GABRA3: variants seen among roughly 807,000 people sequenced by gnomAD.
GABRA3 encodes gamma-aminobutyric acid receptor subunit alpha-3.
In GABRA3, 10 loss-of-function variants were observed where a neutral mutation model predicts 30.1. The observed-to-expected ratio is 0.33, with a 90% CI of 0.20 to 0.56. GABRA3 has a LOEUF of 0.56. Ranked by LOEUF, GABRA3 falls within the 20% of genes least tolerant of loss-of-function variation. GABRA3 has a pLI of 0.89. For synonymous variants in GABRA3, 151 were observed against 146.8 expected (o/e 1.03, Z -0.21); for missense variants, 233 against 392.0 (o/e 0.59, Z 3.42).
intron 3 of GABRA3, among the ~76,000 whole-genome samples, chrX:152,285,162 A>T (rs928397043): frequency 1.8e-5 from 2 of 112,046 alleles, no homozygotes; most frequent in African/African-American, 6.5e-5. Context: ...TGGATGTGGG[A>T]GAAAGTAATA....
intron 5 of GABRA3, among the ~76,000 whole-genome samples, chrX:152,233,902 T>C (rs778373843): frequency 4.0e-3 from 430 of 107,496 alleles, no homozygotes; most frequent in Non-Finnish European, 6.3e-3. Context: ...TGTAGGGACA[T>C]GGATGAAATT....
intron 1 of GABRA3, among the ~76,000 whole-genome samples, chrX:152,423,763 A>G (rs917822943): frequency 9.0e-6 from 1 of 111,594 alleles, no homozygotes; most frequent in Admixed American, 9.5e-5. Flanking sequence ...TAATTAAAAC[A>G]TCAAAGAAAA....
chrX:152,241,280 G>C (rs1163111775), intron 5 of GABRA3, among the ~76,000 whole-genome samples: 6 of 89,672 alleles, frequency 6.7e-5, no homozygotes, highest in African/African-American at 2.0e-4. Context: ...GTGTGCCCCT[G>C]CTGGGGGGTG....
chrX:152,385,771 A>C (rs1192543010), intron 1 of GABRA3, among the ~76,000 whole-genome samples: 1 of 111,658 alleles, frequency 9.0e-6, no homozygotes, highest in Non-Finnish European at 1.9e-5. Context: ...ATTTTCGTAT[A>C]AGGTGTAAGG....
rs182457844 is a variant in GABRA3, at chrX:152,443,813, A to G, written c.-27+7333T>C. Among the ~76,000 whole-genome samples, 69 of 112,184 alleles carry G rather than the reference A, an allele frequency of 6.2e-4. 1 individual carries two copies. The East Asian group carries it at 0.018, about 30-fold the overall frequency. ...AGGTTCAAAGAAGCAAAAATAATTT[A>G]AACGATCAATATGTGATCTGTCATA... On this transcript the variant is annotated intron_variant, in intron 1 of 9. Transcript: ENST00000370314.
At chrX:152,233,867 TA>T (rs1194398980) in intron 5 of GABRA3, among the ~76,000 whole-genome samples, 2 of 106,466 alleles carry the variant, frequency 1.9e-5, no homozygotes, top group Admixed American at 1.0e-4. Context: ...TATGCAGCCA[TA>T]AAAAAGGATG....
rs202150301 is a variant in GABRA3, at chrX:152,168,449, C to T, written c.1258G>A (p.Ala420Thr). The change falls in exon 10 of 10, where the codon GCT becomes ACT. Residue 420 changes from alanine to threonine, a missense_variant. Transcript: ENST00000370314. ...GGGGTTGAGGAGGCACTGGGAGCAG[C>T]GCCCTTGGAGATGGTGGAAAATTCA... ...DTEFSTISKG[A>T]APSASSTPTI... 56 of 1,209,507 alleles carry T rather than the reference C, an allele frequency of 4.6e-5. No individual in the cohort carries two copies. The highest frequency in any genetic ancestry group is 2.5e-4 in the South Asian group (14 of 56,808).
At chrX:152,415,156 T>C (rs1028565457) in intron 1 of GABRA3, among the ~76,000 whole-genome samples, 1 of 110,924 alleles carries the variant, frequency 9.0e-6, no homozygotes, top group African/African-American at 3.3e-5. Flanking sequence ...GCAAACTATA[T>C]ACTTTAGTTA....
chrX:152,251,355 C>T (rs1938550702), intron 5 of GABRA3, among the ~76,000 whole-genome samples: 1 of 110,926 alleles, frequency 9.0e-6, no homozygotes, highest in South Asian at 3.8e-4. Flanking sequence ...CCTCAACCTG[C>T]ACCTTCTATT....
chrX:152,182,299 TTATA>T (rs1415368532), intron 9 of GABRA3, among the ~76,000 whole-genome samples: 30 of 95,129 alleles, frequency 3.2e-4, no homozygotes, highest in Admixed American at 2.8e-3. Context: ...GCCTGACGTG[TTATA>T]TATATATATA....
At chrX:152,330,899 A>C (rs1291933393) in intron 3 of GABRA3, among the ~76,000 whole-genome samples, 1 of 111,707 alleles carries the variant, frequency 9.0e-6, no homozygotes. Context: ...TTAACATAAA[A>C]AGGAATCTTT....
intron 1 of GABRA3, among the ~76,000 whole-genome samples, chrX:152,381,673 T>A (rs1027943856): frequency 2.3e-4 from 25 of 110,507 alleles, no homozygotes; most frequent in Non-Finnish European, 7.6e-5. Flanking sequence ...ACATTAGGTA[T>A]TTCTCCTAAC....
intron 3 of GABRA3, among the ~76,000 whole-genome samples, chrX:152,340,662 A>AC (rs1940300365): frequency 8.9e-6 from 1 of 111,968 alleles, no homozygotes; most frequent in African/African-American, 3.2e-5. Flanking sequence ...TTGCTCCACT[A>AC]CCTTGTGACA....
intron 5 of GABRA3, among the ~76,000 whole-genome samples, chrX:152,230,672 T>C (rs969165992): frequency 3.6e-5 from 4 of 111,232 alleles, no homozygotes; most frequent in Admixed American, 2.9e-4. Context: ...TTATAGTCAA[T>C]TGATTTTTGA....
At position 152,364,535 on chromosome X, in the gene GABRA3, G is replaced by A. The variant is rs1603248488; in HGVS notation, c.36C>T (p.Thr12=). 1 of 1,208,449 alleles carries A rather than the reference G, an allele frequency of 8.3e-7. No individual in the cohort carries two copies. Among genetic ancestry groups the A allele is most frequent in the South Asian group, 1.8e-5 (1 of 56,612 alleles). ...IITQTSHCYM[T]SLGILFLINI... is the part of the protein sequence containing the mutation. ...TAATCAGGAAAAGAATCCCAAGGCT[G>A]GTCATGTAACAGTGACTTGTTTGTG... The change falls in exon 2 of 10, where the codon ACC becomes ACT. Residue 12 remains threonine, a synonymous_variant. Coordinates refer to ENST00000370314, the MANE Select transcript of GABRA3 (RefSeq NM_000808.4).
intron 3 of GABRA3, among the ~76,000 whole-genome samples, chrX:152,329,225 T>C (rs745970661): frequency 1.8e-5 from 2 of 112,084 alleles, no homozygotes; most frequent in Admixed American, 9.5e-5. Flanking sequence ...GAACATTCCA[T>C]GCTCATGGAT....
intron 7 of GABRA3, among the ~76,000 whole-genome samples, chrX:152,202,944 C>G (rs780597223): frequency 8.9e-6 from 1 of 112,047 alleles, no homozygotes; most frequent in Middle Eastern, 4.6e-3. Context: ...ATAGAATAAA[C>G]CCATAAGAAA....
intron 9 of GABRA3, among the ~76,000 whole-genome samples, chrX:152,179,378 A>G (rs1215131916): frequency 1.8e-5 from 2 of 110,949 alleles, no homozygotes. Flanking sequence ...TTGTTGTACG[A>G]TAGGGTCTCT....
chrX:152,360,374 T>C (rs1476566872), intron 2 of GABRA3, among the ~76,000 whole-genome samples: 1 of 93,382 alleles, frequency 1.1e-5, no homozygotes, highest in Admixed American at 1.2e-4. Flanking sequence ...TGGTGTGAGA[T>C]GATATCTCAT....
Sources: allele counts gnomAD v4.1 joint callset (sites outside exome capture counted in the v4.1 genomes callset), GRCh38; gene constraint gnomAD v4.1.1; transcripts MANE v1.5; gene names NCBI Gene and HGNC (gene_info 2026-07-23, HGNC 2026-07-21).